Variants in PTGR1 observed in about 807,000 individuals in gnomAD.
PTGR1 encodes prostaglandin reductase 1, also known as 15-oxoprostaglandin 13-reductase.
PTGR1 carries 23 observed loss-of-function variants against 37.7 expected under a neutral mutation model. That is an observed-to-expected ratio of 0.61 (90% CI 0.44 to 0.86). The LOEUF is 0.86. Among genes scored for constraint, PTGR1 ranks in the 40% least tolerant of loss-of-function variants. The pLI is 0.00. For missense variants in PTGR1, 351 were observed against 394.3 expected (o/e 0.89, Z 0.93); for synonymous variants, 134 against 140.0 (o/e 0.96, Z 0.30).
At chr9:111,551,564 C>T (rs952809029) in intron 9 of PTGR1, among the ~76,000 whole-genome samples, 5 of 151,884 alleles carry the variant, frequency 3.3e-5, no homozygotes, top group Admixed American at 6.6e-5. Context: ...CACACTGCCA[C>T]GCCTGGCTAA....
At chr9:111,594,734 A>G (rs1829728543) in intron 2 of PTGR1, among the ~76,000 whole-genome samples, 1 of 151,022 alleles carries the variant, frequency 6.6e-6, no homozygotes, top group South Asian at 2.1e-4. Flanking sequence ...TTGTATTTTT[A>G]GTAGAGACGG....
At chr9:111,594,333 G>A in intron 2 of PTGR1, 66 bp from the exon 3 acceptor site, 1 of 1,400,508 alleles carries the variant, frequency 7.1e-7, no homozygotes, top group Non-Finnish European at 1.0e-6. Flanking sequence ...TAGACACTGA[G>A]CACCACTAGA....
downstream of PTGR1, among the ~76,000 whole-genome samples, chr9:111,559,773 T>C (rs1828222518): frequency 6.6e-6 from 1 of 152,206 alleles, no homozygotes; most frequent in Admixed American, 6.5e-5. Flanking sequence ...ACAGTCACCT[T>C]GCTTGGCTCC....
chr9:111,598,007 T>A (rs59942393), intron 1 of PTGR1, among the ~76,000 whole-genome samples: 20,961 of 146,222 alleles, frequency 0.14, 1,703 homozygotes, highest in East Asian at 0.25. Context: ...TTTTTTTTTT[T>A]TAAATACTTT....
intron 7 of PTGR1, chr9:111,576,371 A>G (rs769415087): frequency 2.5e-6 from 4 of 1,614,120 alleles, no homozygotes; most frequent in Non-Finnish European, 3.4e-6. Context: ...GCAGACATAC[A>G]TGGAGCAGTA....
intron 1 of PTGR1, 136 bp from the exon 2 acceptor site, chr9:111,597,568 T>C: frequency 3.3e-6 from 2 of 605,500 alleles, no homozygotes; most frequent in Non-Finnish European, 5.9e-6. Context: ...GCCAACCACA[T>C]TCATTTAACA....
chr9:111,564,145 G>T, intron 9 of PTGR1: 1 of 622,814 alleles, frequency 1.6e-6, no homozygotes, highest in Non-Finnish European at 2.1e-6. Context: ...CTTATATAGA[G>T]ACCTGAGTTA....
At position 111,562,880 on chromosome 9, in the gene PTGR1, T is replaced by A; in HGVS notation, c.*241A>T. The A allele has an allele frequency of 8.4e-7, 1 of 1,196,292 alleles. No homozygotes were observed. Among genetic ancestry groups the A allele is most frequent in the Non-Finnish European group, 1.1e-6 (1 of 932,808 alleles). 74.1% of individuals were successfully genotyped at this position (1,196,292 alleles called of 1,614,324 possible). ...AAATTTTCACACTTCAAAGCCATTATTTTCTACCACAACTCAGAAGAAGCT... is the reference window on the plus strand; with the variant it reads ...AAATTTTCACACTTCAAAGCCATTAATTTCTACCACAACTCAGAAGAAGCT... On this transcript the variant is annotated 3_prime_UTR_variant, in exon 10 of 10. Transcript: ENST00000407693.
downstream of PTGR1, among the ~76,000 whole-genome samples, chr9:111,557,985 A>G (rs1251173180): frequency 1.3e-5 from 2 of 152,266 alleles, no homozygotes; most frequent in East Asian, 3.9e-4. Flanking sequence ...TGTCTCTACT[A>G]AAAATACAAA....
At chr9:111,595,737 T>C (rs1829761207) in intron 2 of PTGR1, among the ~76,000 whole-genome samples, 1 of 152,054 alleles carries the variant, frequency 6.6e-6, no homozygotes, top group Non-Finnish European at 1.5e-5. Context: ...GGGTTCATGC[T>C]ATTCTCCTGC....
At chr9:111,587,697 G>T (rs571095370) in intron 4 of PTGR1, among the ~76,000 whole-genome samples, 1 of 152,282 alleles carries the variant, frequency 6.6e-6, no homozygotes, top group South Asian at 2.1e-4. Context: ...TGATCCGTCT[G>T]CCTCAGCCTC....
At chr9:111,592,061 G>A (rs1829640155) in intron 4 of PTGR1, among the ~76,000 whole-genome samples, 1 of 152,188 alleles carries the variant, frequency 6.6e-6, no homozygotes, top group South Asian at 2.1e-4. Flanking sequence ...ATAAATGGAC[G>A]CATGTGGGGG....
chr9:111,566,480 C>T (rs942687124), intron 9 of PTGR1, among the ~76,000 whole-genome samples: 1 of 152,108 alleles, frequency 6.6e-6, no homozygotes, highest in African/African-American at 2.4e-5. Flanking sequence ...TGATCATTGG[C>T]CAGGGATTAG....
intron 8 of PTGR1, among the ~76,000 whole-genome samples, chr9:111,572,995 A>G (rs764911019): frequency 1.3e-5 from 2 of 152,164 alleles, no homozygotes; most frequent in Non-Finnish European, 2.9e-5. Context: ...CCTCTGAGCT[A>G]TCCTAACAGT....
chr9:111,563,411 G>A (rs1828400732), intron 9 of PTGR1, 180 bp from the exon 10 acceptor site: 2 of 523,304 alleles, frequency 3.8e-6, no homozygotes, highest in African/African-American at 1.9e-5. Context: ...CACAGTACAT[G>A]TAAAAAAGAT....
intron 9 of PTGR1, among the ~76,000 whole-genome samples, chr9:111,566,423 G>A (rs1311316122): frequency 6.6e-6 from 1 of 152,200 alleles, no homozygotes; most frequent in Non-Finnish European, 1.5e-5. Flanking sequence ...AGAGTGCCAA[G>A]CTCCAGTGGC....
In PTGR1 at chr9:111,594,196, A is replaced by G. The variant is rs144512434; in HGVS notation, c.152+26T>C. ...AGATAGCATTTAACACAGCATTAGC[A>G]TTTTGAGGGGCGAAATAAATAATAC... On this transcript the variant is annotated intron_variant, in intron 3 of 9. Transcript: ENST00000407693. The G allele has an allele frequency of 3.5e-5, 56 of 1,598,496 alleles. No homozygotes were observed. The East Asian group carries it at 1.2e-3, about 34-fold the overall frequency.
chr9:111,553,342 A>G (rs1430764678), intron 9 of PTGR1, among the ~76,000 whole-genome samples: 2 of 152,166 alleles, frequency 1.3e-5, no homozygotes, highest in Non-Finnish European at 2.9e-5. Flanking sequence ...TGCCTCAGTA[A>G]TATGCCTTTG....
intron 2 of PTGR1, 140 bp downstream of exon 2, chr9:111,597,176 GC>G (rs1829805416): frequency 1.5e-6 from 1 of 658,010 alleles, no homozygotes; most frequent in Non-Finnish European, 2.6e-6. Context: ...GCTTAACTCA[GC>G]CCAAATTGCC....
Sources: allele counts gnomAD v4.1 joint callset (sites outside exome capture counted in the v4.1 genomes callset), GRCh38; gene constraint gnomAD v4.1.1; transcripts MANE v1.5; gene names NCBI Gene and HGNC (gene_info 2026-07-23, HGNC 2026-07-21).